Variants in SLC35F1 observed in about 807,000 individuals in gnomAD.
SLC35F1 encodes solute carrier family 35 member F1.
SLC35F1 carries 14 observed loss-of-function variants against 48.7 expected under a neutral mutation model. The observed-to-expected ratio is 0.29, with a 90% CI of 0.19 to 0.45. SLC35F1 has a LOEUF of 0.45. Ranked by LOEUF, SLC35F1 falls within the 20% of genes least tolerant of loss-of-function variation. SLC35F1 has a pLI of 1.00. For synonymous variants in SLC35F1, 190 were observed against 202.2 expected (o/e 0.94, Z 0.51); for missense variants, 404 against 500.0 (o/e 0.81, Z 1.83).
At chr6:118,088,577 T>C (rs561019308) in intron 1 of SLC35F1, among the ~76,000 whole-genome samples, 1 of 152,298 alleles carries the variant, frequency 6.6e-6, no homozygotes, top group South Asian at 2.1e-4. Context: ...ATAAAAATAT[T>C]TAATAAGCAC....
rs9489294 is a variant in SLC35F1 at position 117,999,301 on chromosome 6, T to C, written c.173+91402T>C. The C allele has an allele frequency of 2.8e-3, 4,422 of 1,596,082 alleles. 118 individuals carry two copies. The African/African-American group carries it at 0.054, about 19-fold the overall frequency. ...ACCCCAAGCTTGGGAAGCGTGCTCT[T>C]GCCCGTATTGCCAAGGGGCTCAGGC... On this transcript the variant is annotated intron_variant, in intron 1 of 7. Coordinates refer to ENST00000360388, the MANE Select transcript of SLC35F1 (RefSeq NM_001029858.4).
At chr6:117,908,964 A>G (rs764969779) in intron 1 of SLC35F1, among the ~76,000 whole-genome samples, 3 of 152,240 alleles carry the variant, frequency 2.0e-5, no homozygotes, top group Non-Finnish European at 2.9e-5. Flanking sequence ...TGGTGGGAGT[A>G]CAAACTATGT....
At chr6:118,286,661 A>C (rs1384175698) in intron 7 of SLC35F1, among the ~76,000 whole-genome samples, 1 of 152,146 alleles carries the variant, frequency 6.6e-6, no homozygotes, top group Non-Finnish European at 1.5e-5. Flanking sequence ...TAAAAATTGT[A>C]CTATATACAG....
At chr6:118,181,525 A>G (rs1774578292) in intron 2 of SLC35F1, among the ~76,000 whole-genome samples, 1 of 152,128 alleles carries the variant, frequency 6.6e-6, no homozygotes. Context: ...AGAAGGGAAA[A>G]TGTGCAGCAG....
At chr6:118,120,186 T>G (rs1428450673) in intron 1 of SLC35F1, among the ~76,000 whole-genome samples, 4 of 152,154 alleles carry the variant, frequency 2.6e-5, no homozygotes, top group Non-Finnish European at 5.9e-5. Flanking sequence ...TAATCCTTTA[T>G]GTCTGATAGA....
In SLC35F1 at chr6:118,182,519, A is replaced by G. The variant is rs76666085; in HGVS notation, c.349+27899A>G. On this transcript the variant is annotated intron_variant, in intron 2 of 7. Transcript: ENST00000360388. ...AAAAAAAAGAAAGAGAGAGAGAGAG[A>G]GAAGGAAGGAAGGAAGGAAGGAAGG... is the stretch of plus-strand genomic sequence containing the variant. Among the ~76,000 whole-genome samples the G allele has an allele frequency of 7.5e-5, 8 of 106,344 alleles. No homozygotes were observed. The East Asian group carries it at 1.5e-3, about 20-fold the overall frequency. 69.8% of individuals were successfully genotyped at this position (106,344 alleles called of 152,430 possible).
At chr6:118,162,170 G>A (rs1774246545) in intron 2 of SLC35F1, among the ~76,000 whole-genome samples, 1 of 152,204 alleles carries the variant, frequency 6.6e-6, no homozygotes, top group South Asian at 2.1e-4. Flanking sequence ...GCAATGGAAT[G>A]TCACTGACCA....
At chr6:118,099,373 T>C (rs1773224338) in intron 1 of SLC35F1, among the ~76,000 whole-genome samples, 2 of 152,158 alleles carry the variant, frequency 1.3e-5, no homozygotes, top group African/African-American at 2.4e-5. Context: ...CAAAGCAAGG[T>C]CTTGCTACAG....
At chr6:118,151,907 A>G in intron 1 of SLC35F1, among the ~76,000 whole-genome samples, 1 of 152,150 alleles carries the variant, frequency 6.6e-6, no homozygotes, top group Non-Finnish European at 1.5e-5. Flanking sequence ...TTATTTCAAT[A>G]AACTGTTTCT....
chr6:118,196,032 A>C (rs762346875), intron 2 of SLC35F1, among the ~76,000 whole-genome samples: 2 of 152,222 alleles, frequency 1.3e-5, no homozygotes, highest in Non-Finnish European at 2.9e-5. Flanking sequence ...CCAGAATCGC[A>C]GCAGATTCAG....
chr6:118,268,601 T>TATATATATATA (rs59597751), intron 4 of SLC35F1, among the ~76,000 whole-genome samples: 42 of 45,540 alleles, frequency 9.2e-4, no homozygotes, highest in South Asian at 4.7e-3. Flanking sequence ...TATATATATA[T>TATATATATATA]TTTTTTTTTT....
intron 1 of SLC35F1, among the ~76,000 whole-genome samples, chr6:118,095,233 A>G (rs1200496174): frequency 6.6e-6 from 1 of 152,250 alleles, no homozygotes; most frequent in East Asian, 1.9e-4. Context: ...TGGGGACAGA[A>G]GTTCTGAAGT....
chr6:118,078,275 G>A (rs1772851475), intron 1 of SLC35F1, among the ~76,000 whole-genome samples: 1 of 152,156 alleles, frequency 6.6e-6, no homozygotes, highest in Admixed American at 6.5e-5. Context: ...AAGTCAAAGA[G>A]ATAGAAAACC....
intron 1 of SLC35F1, among the ~76,000 whole-genome samples, chr6:117,910,707 A>G (rs1415883622): frequency 6.6e-6 from 1 of 152,120 alleles, no homozygotes; most frequent in East Asian, 1.9e-4. Context: ...CTAGCATCCC[A>G]CTGGGCCAAA....
chr6:118,304,449 A>G (rs1032970919), intron 7 of SLC35F1, among the ~76,000 whole-genome samples: 1 of 152,136 alleles, frequency 6.6e-6, no homozygotes, highest in Non-Finnish European at 1.5e-5. Flanking sequence ...AGGTCCAAAC[A>G]TGGAGTCTAT....
chr6:117,923,638 C>T (rs62432056), intron 1 of SLC35F1, among the ~76,000 whole-genome samples: 2 of 50,956 alleles, frequency 3.9e-5, no homozygotes, highest in African/African-American at 7.5e-5. Flanking sequence ...CATATATGTA[C>T]ATATGTACAT....
Position 118,314,219 on chromosome 6 carries a change from G to A in SLC35F1, c.1194G>A (p.Glu398=), listed in dbSNP as rs1288169097. The A allele has an allele frequency of 6.2e-7, 1 of 1,614,176 alleles. No individual in the cohort carries two copies. Residue 398 remains glutamate, a synonymous_variant, in exon 8 of 8, where the codon GAG becomes GAA. Coordinates refer to ENST00000360388, the MANE Select transcript of SLC35F1 (RefSeq NM_001029858.4). ...TCACCTACACCAGCCTGGGCCAGGA[G>A]ACCGAAGAGGAGCCTCATGTTCGTG... ...PSVTYTSLGQ[E]TEEEPHVRVA is the part of the protein sequence containing the mutation.
chr6:118,032,778 ATT>A (rs1299471140), intron 1 of SLC35F1, among the ~76,000 whole-genome samples: 1 of 152,198 alleles, frequency 6.6e-6, no homozygotes, highest in Non-Finnish European at 1.5e-5. Flanking sequence ...AGCTATTGGC[ATT>A]TAAGGTCTTT....
At chr6:118,099,454 C>A (rs992926431) in intron 1 of SLC35F1, among the ~76,000 whole-genome samples, 2 of 151,968 alleles carry the variant, frequency 1.3e-5, no homozygotes, top group African/African-American at 4.8e-5. Flanking sequence ...TTCTTTCTCT[C>A]TCTCCCCACT....
Sources: allele counts gnomAD v4.1 joint callset (sites outside exome capture counted in the v4.1 genomes callset), GRCh38; gene constraint gnomAD v4.1.1; transcripts MANE v1.5; gene names NCBI Gene and HGNC (gene_info 2026-07-23, HGNC 2026-07-21).